The following TEP1 variants were observed in gnomAD, a reference collection of about 807,000 sequenced individuals.
The protein encoded by TEP1 is telomerase protein component 1.
A neutral mutation model predicts 306.3 loss-of-function variants in TEP1; 241 were observed. The ratio of observed to expected loss-of-function variants is 0.79; its 90% CI spans 0.71 to 0.88. The LOEUF (loss-of-function observed/expected upper bound fraction) is 0.88. Ranked by LOEUF, TEP1 falls within the 40% of genes least tolerant of loss-of-function variation. TEP1 has a pLI of 0.00. For missense variants in TEP1, 3,051 were observed against 3,276.1 expected, an observed-to-expected ratio of 0.93 and a Z score of 1.68; for synonymous variants, 1,289 against 1,305.5, an observed-to-expected ratio of 0.99 and a Z score of 0.27.
At position 20,382,242 on chromosome 14, in the gene TEP1, G is replaced by A; in HGVS notation, c.4255C>T (p.Leu1419=). 6.2e-7 allele frequency: 1 copy of A among 1,614,100 alleles called. No individual in the cohort carries two copies. The highest frequency in any genetic ancestry group is 8.5e-7 in the Non-Finnish European group (1 of 1,180,012). Reference sequence around the variant, plus strand: ...CACTGACCACTCCGTGTGACTTCTAGGGCAGTCAAGGCCTGGGGAAGGACA... The same window carrying A: ...CACTGACCACTCCGTGTGACTTCTAAGGCAGTCAAGGCCTGGGGAAGGACA... The part of the protein sequence containing the change: ...PDVLPQALTA[L]EVTRSGLTVD... The change falls in exon 29 of 55, where the codon CTA becomes TTA. Residue 1419 remains leucine (L), a synonymous_variant. Coordinates refer to ENST00000262715, the MANE Select transcript of TEP1 (RefSeq NM_007110.5).
At chr14:20,386,026 C>T (rs986152829) in intron 20 of TEP1, 49 bp downstream of exon 20, 14 of 1,544,948 alleles carry the variant, frequency 9.1e-6, no homozygotes, top group Non-Finnish European at 1.2e-5. Flanking sequence ...CAGCCTCTGC[C>T]CCAATCTTTG....
intron 4 of TEP1, among the ~76,000 whole-genome samples, chr14:20,405,238 A>G (rs1367475948): frequency 6.6e-6 from 1 of 152,216 alleles, no homozygotes; most frequent in Non-Finnish European, 1.5e-5. Flanking sequence ...CCTTGAGAGA[A>G]TGGGTACTTA....
In TEP1 at chr14:20,379,007, C is replaced by G. The variant is rs1398291115; in HGVS notation, c.5226G>C (p.Glu1742Asp). 1.2e-6 allele frequency: 2 copies of G among 1,614,134 alleles called. No homozygotes were observed. ...LFLTAFDGLL[E>D]LWDLQHGCRV... is the part of the protein sequence containing the mutation. Reference sequence around the variant, plus strand: ...GACAACCATGCTGCAGGTCCCAGAGCTCCAGGAGCCCGTCGAAGGCAGTAA... The same window carrying G: ...GACAACCATGCTGCAGGTCCCAGAGGTCCAGGAGCCCGTCGAAGGCAGTAA... The change falls in exon 36 of 55, where the codon GAG becomes GAC. Residue 1742 changes from glutamate to aspartate, a missense_variant. Glu to Asp is a conservative substitution (Grantham distance 45). Coordinates refer to ENST00000262715, the MANE Select transcript of TEP1 (RefSeq NM_007110.5).
Position 20,391,093 on chromosome 14 carries a change from G to T in TEP1, c.2101C>A (p.Pro701Thr). ...ATCAACAGCAGTGCATAGTTCAGCG[G>T]GGGCTGATTGGACAAGTGTCAGGGG... ...LCPKSNPQGP[P>T]LNYALLLIGM... Residue 701 changes from proline to threonine, a missense_variant, in exon 14 of 55, where the codon CCG becomes ACG. Pro to Thr is a conservative substitution (Grantham distance 38). Around this residue, in one of 3 missense-constraint regions of TEP1, gnomAD observed 1,507 missense variants for 1,550.5 expected, o/e 0.97. Coordinates refer to ENST00000262715, the MANE Select transcript of TEP1 (RefSeq NM_007110.5). The T allele has an allele frequency of 1.2e-6, 2 of 1,613,860 alleles. No homozygotes were observed. Among genetic ancestry groups the T allele is most frequent in the Non-Finnish European group, 1.7e-6 (2 of 1,179,976 alleles).
chr14:20,403,038 T>C (rs1878878208), intron 7 of TEP1, among the ~76,000 whole-genome samples: 1 of 151,840 alleles, frequency 6.6e-6, no homozygotes, highest in Admixed American at 6.6e-5. Context: ...ACGCCTGTAG[T>C]CCCAGCTATT....
chr14:20,386,198 G>A lies in TEP1; in HGVS notation c.2862-3C>T. ...CCCCAAGGCACACTTCCAGTTGTCT[G>A]TAGGCATGATGATAGGGACGTGTGG... On this transcript the variant is annotated splice_region_variant and splice_polypyrimidine_tract_variant and intron_variant, in intron 19 of 54. Transcript: ENST00000262715. The A allele has an allele frequency of 1.2e-6, 2 of 1,613,992 alleles. No individual in the cohort carries two copies. Among genetic ancestry groups the A allele is most frequent in the South Asian group, 1.1e-5 (1 of 91,044 alleles).
chr14:20,378,592 T>C lies in TEP1; in HGVS notation c.5353-57A>G, dbSNP rs1885341384. ...GAAGAGAGATGCCTGAACTTCTCAG[T>C]CCCAGACCTCCAGGAGCAACCTTGT... On this transcript the variant is annotated intron_variant, in intron 37 of 54. Transcript: ENST00000262715. 6 of 1,609,752 alleles carry C rather than the reference T, an allele frequency of 3.7e-6. No homozygotes were observed. In the Admixed American group the frequency reaches 1.0e-4, roughly 27 times the overall value.
chr14:20,391,500 T>C, intron 13 of TEP1, 99 bp downstream of exon 13: 1 of 1,339,732 alleles, frequency 7.5e-7, no homozygotes, highest in Non-Finnish European at 1.0e-6. Flanking sequence ...TCAGTCTGAG[T>C]GTTTGCCTGG....
chr14:20,401,559 A>T lies in TEP1; in HGVS notation c.1289T>A (p.Val430Glu), dbSNP rs1878755768. The change falls in exon 8 of 55, where the codon GTG becomes GAG. Residue 430 changes from valine to glutamate, a missense_variant. By Grantham distance (121) the Val-to-Glu change is moderately radical (BLOSUM62 -2). Around this residue, in one of 3 missense-constraint regions of TEP1, gnomAD observed 1,507 missense variants for 1,550.5 expected, o/e 0.97. Transcript: ENST00000262715. Reference sequence around the variant, plus strand: ...CCTTGGAGGATTCTTTTTCTCTGACACTGTATCACCGGCCTTCTCAAACTG... The same window carrying T: ...CCTTGGAGGATTCTTTTTCTCTGACTCTGTATCACCGGCCTTCTCAAACTG... ...QRKFEKAGDT[V>E]SEKKNPPRFT... 1 of 1,614,032 alleles carries T rather than the reference A, an allele frequency of 6.2e-7. No homozygotes were observed. Among genetic ancestry groups the T allele is most frequent in the Non-Finnish European group, 8.5e-7 (1 of 1,180,036 alleles).
intron 18 of TEP1, 77 bp from the exon 19 acceptor site, chr14:20,386,700 C>A (rs1260462450): frequency 7.1e-6 from 10 of 1,411,992 alleles, no homozygotes; most frequent in Non-Finnish European, 9.3e-6. Context: ...TGTGATCACC[C>A]TTTAGCACTG....
At chr14:20,410,695 C>T (rs965923448) in intron 1 of TEP1, among the ~76,000 whole-genome samples, 12 of 151,724 alleles carry the variant, frequency 7.9e-5, no homozygotes, top group Non-Finnish European at 1.8e-4. Context: ...CCACCTTGGC[C>T]TCCCAAAGTG....
intron 44 of TEP1, 80 bp from the exon 45 acceptor site, chr14:20,373,890 G>A (rs1885017300): frequency 6.6e-7 from 1 of 1,526,628 alleles, no homozygotes; most frequent in African/African-American, 1.4e-5. Context: ...AGAGGTGGGT[G>A]GAGCATTAGG....
chr14:20,377,450 G>A lies in TEP1; in HGVS notation c.5918C>T (p.Ser1973Phe). The change falls in exon 41 of 55, where the codon TCC (serine) becomes TTC (phenylalanine). Residue 1973 changes from serine (S) to phenylalanine (F), a missense_variant. Ser to Phe is a radical substitution (Grantham distance 155). This residue lies in a region of TEP1 where 1,540 missense variants were observed against 1,705.9 expected (regional missense o/e 0.90). Transcript: ENST00000262715. ...CTTGGGGCTTAGCCAGGCCAGGGCG[G>A]ACACTGCCACATCCAGTGCCTGACC... Reference protein sequence around the residue: ...AQGQALDVAVSALAWLSPKVL... With the variant: ...AQGQALDVAVFALAWLSPKVL... The A allele has an allele frequency of 3.1e-6, 5 of 1,614,144 alleles. No individual in the cohort carries two copies. The highest frequency in any genetic ancestry group is 3.4e-6 in the Non-Finnish European group (4 of 1,180,016).
chr14:20,387,986 G>A lies in TEP1; in HGVS notation c.2603C>T (p.Pro868Leu), dbSNP rs1462387554. Residue 868 changes from proline (P) to leucine (L), a missense_variant, in exon 18 of 55, where the codon CCC becomes CTC. By Grantham distance (98) the Pro-to-Leu change is moderately conservative. Coordinates refer to ENST00000262715, the MANE Select transcript of TEP1 (RefSeq NM_007110.5). ...AGACTGGACCCCTGTCTTTCCTGGG[G>A]GTGGTGGAATCTTGAATATTTTGTC... ...QMDKIFKIPP[P>L]PGKTGVQSLR... The A allele has an allele frequency of 5.0e-6, 8 of 1,614,024 alleles. No homozygotes were observed. The Admixed American group carries it at 1.0e-4, about 20-fold the overall frequency.
In TEP1 at chr14:20,381,908, T is replaced by G. The variant is rs770176730; in HGVS notation, c.4424+5A>C. ...TCAGCGGGAGCTCTGCTGGGGCACC[T>G]GTACCTGCGCAGACTCTGGACGAGG... On this transcript the variant is annotated splice_donor_5th_base_variant and intron_variant, in intron 30 of 54. Transcript: ENST00000262715. The surrounding 1 kb of genome is among the most constrained non-coding windows in gnomAD (Gnocchi z 4.0). 5 of 1,613,730 alleles carry G rather than the reference T, an allele frequency of 3.1e-6. No individual in the cohort carries two copies. The South Asian group carries it at 4.4e-5, about 14-fold the overall frequency.
chr14:20,386,019 C>T, intron 20 of TEP1, 56 bp downstream of exon 20: 1 of 1,535,138 alleles, frequency 6.5e-7, no homozygotes. Context: ...CTTCTCCCAG[C>T]CTCTGCCCCA....
At position 20,390,756 on chromosome 14, in the gene TEP1, C is replaced by A. The variant is rs745635981; in HGVS notation, c.2259G>T (p.Glu753Asp). 25 of 1,614,098 alleles carry A rather than the reference C, an allele frequency of 1.5e-5. No individual in the cohort carries two copies. Among genetic ancestry groups the A allele is most frequent in the Non-Finnish European group, 1.8e-5 (21 of 1,180,046 alleles). Reference protein sequence around the residue: ...TAIKLQAQVQEFDENDGWSLN... With the variant: ...TAIKLQAQVQDFDENDGWSLN... ...GGGACCATCCATCATTTTCATCAAA[C>A]TCCTGAAGGAAAGAGACTTCATGTT... is the stretch of plus-strand genomic sequence containing the variant. The change falls in exon 15 of 55, where the codon GAG becomes GAT. Residue 753 changes from glutamate to aspartate, a missense_variant and splice_region_variant. Physicochemically the swap from Glu to Asp is conservative, Grantham distance 45 (BLOSUM62 2). This residue lies in a region of TEP1 where 1,507 missense variants were observed against 1,550.5 expected (regional missense o/e 0.97). Coordinates refer to ENST00000262715, the MANE Select transcript of TEP1 (RefSeq NM_007110.5).
chr14:20,395,826 G>C, intron 11 of TEP1, 33 bp downstream of exon 11: 1 of 1,595,232 alleles, frequency 6.3e-7, no homozygotes, highest in Non-Finnish European at 8.6e-7. Flanking sequence ...AGATGTGGGA[G>C]GCAAAGAGGA....
intron 15 of TEP1, among the ~76,000 whole-genome samples, chr14:20,390,385 G>A (rs534213792): frequency 1.7e-4 from 26 of 152,332 alleles, no homozygotes; most frequent in African/African-American, 5.3e-4. Flanking sequence ...GCTCCTGAGC[G>A]TCTTTTCCCA....
Sources: allele counts gnomAD v4.1 joint callset (sites outside exome capture counted in the v4.1 genomes callset), GRCh38; gene constraint gnomAD v4.1.1; regional missense constraint gnomAD v4.1.1; non-coding constraint Gnocchi (gnomAD v3.1); transcripts MANE v1.5; gene names NCBI Gene and HGNC (gene_info 2026-07-23, HGNC 2026-07-21).